HDAC9: variants seen among roughly 807,000 people sequenced by gnomAD.
The protein encoded by HDAC9 is histone deacetylase 9, also known as MEF-2 interacting transcription repressor (MITR) protein.
Under a neutral mutation model 139.4 loss-of-function variants are expected in HDAC9, and 41 were observed. The observed-to-expected ratio is 0.29, with a 90% CI of 0.23 to 0.38. The LOEUF (loss-of-function observed/expected upper bound fraction) is 0.38. Among genes scored for constraint, HDAC9 ranks in the 10% least tolerant of loss-of-function variants. The probability of loss-of-function intolerance (pLI) is 1.00; values close to 1 mark genes in which losing one functional copy is unlikely to be tolerated. For synonymous variants in HDAC9, 517 were observed against 476.2 expected (o/e 1.09, Z -1.12); for missense variants, 1,147 against 1,297.0 (o/e 0.88, Z 1.78).
At chr7:18,125,791 C>A (rs1784628793) in intron 1 of HDAC9, among the ~76,000 whole-genome samples, 2 of 152,118 alleles carry the variant, frequency 1.3e-5, no homozygotes, top group South Asian at 4.2e-4. Context: ...TAGCTATGGA[C>A]AACTTCCTTG....
At chr7:18,218,500 T>C (rs1409647805) in intron 2 of HDAC9, among the ~76,000 whole-genome samples, 1 of 152,180 alleles carries the variant, frequency 6.6e-6, no homozygotes, top group Non-Finnish European at 1.5e-5. Context: ...TTCCTTCTAC[T>C]GTATTCCATT....
At chr7:18,206,281 A>C (rs1219324397) in intron 2 of HDAC9, among the ~76,000 whole-genome samples, 1 of 152,208 alleles carries the variant, frequency 6.6e-6, no homozygotes, top group African/African-American at 2.4e-5. Context: ...TAAAACTTAA[A>C]CACACATCAA....
chr7:18,877,639 C>G lies in HDAC9; in HGVS notation c.2803+3043C>G, dbSNP rs534491295. ...CTTTTAAAATAGTTTTGTTTGCTAT[C>G]TCTGAAAGGAAAAGAGAAATGAAGT... On this transcript the variant is annotated intron_variant, in intron 22 of 25. Coordinates refer to ENST00000686413, the MANE Select transcript of HDAC9 (RefSeq NM_178425.4). 3.5e-4 allele frequency among the ~76,000 whole-genome samples: 54 copies of G among 152,166 alleles called. No individual in the cohort carries two copies. The East Asian group carries it at 0.01, about 29-fold the overall frequency.
chr7:18,170,292 C>G (rs924450761), intron 2 of HDAC9, among the ~76,000 whole-genome samples: 1 of 152,142 alleles, frequency 6.6e-6, no homozygotes, highest in Non-Finnish European at 1.5e-5. Flanking sequence ...CCTTTGCACA[C>G]TTTTTGATGG....
At chr7:18,566,380 C>T (rs1822355429) in intron 2 of HDAC9, among the ~76,000 whole-genome samples, 1 of 152,198 alleles carries the variant, frequency 6.6e-6, no homozygotes, top group African/African-American at 2.4e-5. Context: ...TTCCTAGTAC[C>T]TCTCCCTTTC....
At chr7:18,761,507 A>C (rs1413726453) in intron 14 of HDAC9, among the ~76,000 whole-genome samples, 1 of 152,238 alleles carries the variant, frequency 6.6e-6, no homozygotes, top group Admixed American at 6.5e-5. Context: ...AGATTATAGT[A>C]GATTCAAAAG....
chr7:18,698,281 C>T (rs1431915549), intron 12 of HDAC9, among the ~76,000 whole-genome samples: 2 of 152,240 alleles, frequency 1.3e-5, no homozygotes, highest in South Asian at 2.1e-4. Context: ...CTAAAACGCC[C>T]GGGTTCAGAA....
chr7:18,784,943 T>TTGTGTGTGTGTGTGTGTGTGTG (rs147840943), intron 16 of HDAC9, among the ~76,000 whole-genome samples: 1 of 28,098 alleles, frequency 3.6e-5, no homozygotes, highest in African/African-American at 5.9e-5. Flanking sequence ...TAGCAATTGC[T>TTGTGTGTGTGTGTGTGTGTGTG]TGTGTGTGTG....
At chr7:18,103,604 G>A (rs1250056163) in intron 1 of HDAC9, among the ~76,000 whole-genome samples, 1 of 152,052 alleles carries the variant, frequency 6.6e-6, no homozygotes, top group African/African-American at 2.4e-5. Context: ...GTTATTTTCA[G>A]TCTCTGTCAC....
chr7:18,613,995 TG>T (rs2128919029), intron 6 of HDAC9, among the ~76,000 whole-genome samples: 1 of 152,218 alleles, frequency 6.6e-6, no homozygotes, highest in African/African-American at 2.4e-5. Context: ...AAAGTTGCAT[TG>T]TCTCTTCTAT....
chr7:18,772,831 G>T (rs568530588), intron 16 of HDAC9, among the ~76,000 whole-genome samples: 1 of 152,200 alleles, frequency 6.6e-6, no homozygotes, highest in East Asian at 1.9e-4. Flanking sequence ...TCTGTAAAAA[G>T]ATTATGTTGC....
intron 12 of HDAC9, among the ~76,000 whole-genome samples, chr7:18,719,900 A>G (rs575921585): frequency 9.2e-5 from 14 of 152,228 alleles, no homozygotes; most frequent in Non-Finnish European, 1.6e-4. Flanking sequence ...TTTTTAAAAT[A>G]TTTTGCCCTG....
intron 2 of HDAC9, among the ~76,000 whole-genome samples, chr7:18,173,621 T>C (rs929308879): frequency 5.9e-5 from 9 of 152,200 alleles, no homozygotes; most frequent in Admixed American, 6.6e-5. Context: ...TAGTGCTTCC[T>C]TCAGGAGCTC....
intron 1 of HDAC9, among the ~76,000 whole-genome samples, chr7:18,408,312 C>G (rs986845740): frequency 7.9e-5 from 12 of 152,150 alleles, no homozygotes; most frequent in African/African-American, 2.9e-4. Flanking sequence ...AGAAGGCACT[C>G]AATGAAGGAA....
chr7:18,627,567 C>G (rs1842040350), intron 6 of HDAC9, among the ~76,000 whole-genome samples: 1 of 152,102 alleles, frequency 6.6e-6, no homozygotes, highest in Non-Finnish European at 1.5e-5. Context: ...TCACTTTATT[C>G]CTGGGTAAGT....
chr7:18,272,701 T>C (rs1193341613), intron 2 of HDAC9, among the ~76,000 whole-genome samples: 2 of 152,166 alleles, frequency 1.3e-5, no homozygotes, highest in Non-Finnish European at 2.9e-5. Context: ...TTTTATGGAT[T>C]GGATAAGTCA....
At chr7:18,383,695 A>G (rs1211274177) in intron 1 of HDAC9, among the ~76,000 whole-genome samples, 1 of 151,916 alleles carries the variant, frequency 6.6e-6, no homozygotes, top group Non-Finnish European at 1.5e-5. Context: ...AATACAAGAA[A>G]GAACTGATGA....
intron 13 of HDAC9, among the ~76,000 whole-genome samples, chr7:18,745,883 CTTTTTTTTTTTTT>C (rs752292349): frequency 0.012 from 1,240 of 99,504 alleles, 21 homozygotes; most frequent in African/African-American, 0.041. Context: ...TCTTCTTCTT[CTTTTTTTTTTTTT>C]TTTTTTTTTT....
At chr7:18,786,503 TTCC>T (rs1791760855) in intron 16 of HDAC9, among the ~76,000 whole-genome samples, 1 of 137,016 alleles carries the variant, frequency 7.3e-6, no homozygotes, top group African/African-American at 2.9e-5. Context: ...CCTTCCTTCC[TTCC>T]TCTCTCTCAT....
Sources: gnomAD v4.1 joint callset for allele counts (sites outside exome capture counted in the v4.1 genomes callset) on GRCh38, gnomAD v4.1.1 for gene constraint, MANE v1.5 for transcripts, NCBI Gene and HGNC (gene_info 2026-07-23, HGNC 2026-07-21) for gene names.